The following ZRANB3 variants were observed in gnomAD, a reference collection of about 807,000 sequenced individuals.
The protein encoded by ZRANB3 is DNA annealing helicase and endonuclease ZRANB3.
ZRANB3 carries 125 observed loss-of-function variants against 133.8 expected under a neutral mutation model. The observed-to-expected ratio is 0.93, with a 90% confidence interval of 0.81 to 1.08. The LOEUF (loss-of-function observed/expected upper bound fraction) is 1.08, where lower values mean the gene tolerates loss of function less well. Among genes scored for constraint, ZRANB3 ranks in the 50% least tolerant of loss-of-function variants. The pLI, the probability that ZRANB3 is intolerant of heterozygous loss-of-function variation, is 0.00. For synonymous variants in ZRANB3, 387 were observed against 432.7 expected, an observed-to-expected ratio of 0.89 and a Z score of 1.31; for missense variants, 1,229 against 1,275.5, an observed-to-expected ratio of 0.96 and a Z score of 0.56.
chr2:135,226,361 T>C (rs1401548145), intron 14 of ZRANB3, among the ~76,000 whole-genome samples: 2 of 152,190 alleles, frequency 1.3e-5, no homozygotes, highest in African/African-American at 4.8e-5. Flanking sequence ...AGAGCATATG[T>C]AGGTAGAATA....
At chr2:135,202,602 G>T in intron 20 of ZRANB3, 1 of 376,944 alleles carries the variant, frequency 2.7e-6, no homozygotes, top group Non-Finnish European at 4.8e-6. Flanking sequence ...TTTCTTGGTA[G>T]TGGTGCAAAT....
intron 12 of ZRANB3, among the ~76,000 whole-genome samples, chr2:135,242,811 G>A (rs1335716408): frequency 6.6e-6 from 1 of 151,292 alleles, no homozygotes; most frequent in East Asian, 1.9e-4. Context: ...TTAATTTCTG[G>A]TATTACAGTT....
At chr2:135,283,461 C>T (rs1681191954) in intron 8 of ZRANB3, among the ~76,000 whole-genome samples, 1 of 151,748 alleles carries the variant, frequency 6.6e-6, no homozygotes, top group Admixed American at 6.6e-5. Context: ...TACAAAAAAA[C>T]TAGCTGGGCG....
intron 3 of ZRANB3, among the ~76,000 whole-genome samples, chr2:135,354,018 C>T (rs933468841): frequency 6.6e-6 from 1 of 151,830 alleles, no homozygotes; most frequent in African/African-American, 2.4e-5. Flanking sequence ...AATGTATTAT[C>T]AAAATAATTT....
chr2:135,286,378 C>T (rs1026140520), intron 8 of ZRANB3, among the ~76,000 whole-genome samples: 11 of 152,138 alleles, frequency 7.2e-5, no homozygotes, highest in Non-Finnish European at 1.6e-4. Flanking sequence ...CCCAGGTTCA[C>T]GCAATTCTCC....
At chr2:135,504,101 ATAAT>A (rs771546469) in intron 2 of ZRANB3, 4 of 576,744 alleles carry the variant, frequency 6.9e-6, no homozygotes, top group East Asian at 3.4e-5. Flanking sequence ...GATAACTGAA[ATAAT>A]TAAGATAACT....
intron 20 of ZRANB3, among the ~76,000 whole-genome samples, chr2:135,200,945 G>A (rs774096582): frequency 7.2e-5 from 11 of 151,926 alleles, no homozygotes; most frequent in African/African-American, 1.9e-4. Context: ...TAGTGGAGAC[G>A]GGGTTTTGCC....
chr2:135,284,517 G>T (rs1001246455), intron 8 of ZRANB3, among the ~76,000 whole-genome samples: 5 of 152,218 alleles, frequency 3.3e-5, no homozygotes, highest in African/African-American at 4.8e-5. Context: ...TGTCGCCCAG[G>T]CTGGAGTGCA....
At chr2:135,286,599 G>C (rs1283305833) in intron 8 of ZRANB3, among the ~76,000 whole-genome samples, 1 of 152,106 alleles carries the variant, frequency 6.6e-6, no homozygotes, top group Non-Finnish European at 1.5e-5. Context: ...ATTTTTAAAT[G>C]ATAGCCATTC....
chr2:135,272,414 C>CTTTTT (rs112209442), intron 9 of ZRANB3, among the ~76,000 whole-genome samples: 27 of 107,752 alleles, frequency 2.5e-4, no homozygotes, highest in South Asian at 1.4e-3. Context: ...GAAAATAGAG[C>CTTTTT]TTTTTTTTTT....
At chr2:135,292,059 T>C (rs1219708834) in intron 8 of ZRANB3, among the ~76,000 whole-genome samples, 3 of 152,230 alleles carry the variant, frequency 2.0e-5, no homozygotes, top group Non-Finnish European at 4.4e-5. Flanking sequence ...TAAATGTACG[T>C]GTGCATGTGT....
chr2:135,463,704 AC>A (rs1425614135), intron 2 of ZRANB3, among the ~76,000 whole-genome samples: 1 of 152,184 alleles, frequency 6.6e-6, no homozygotes, highest in Non-Finnish European at 1.5e-5. Context: ...GGCATGAACC[AC>A]CACACCCAGT....
At chr2:135,528,451 A>T (rs16831790) in intron 1 of ZRANB3, among the ~76,000 whole-genome samples, 25 of 152,120 alleles carry the variant, frequency 1.6e-4, no homozygotes, top group Non-Finnish European at 2.6e-4. Flanking sequence ...TCAGACCTCT[A>T]CAAGTCTTAT....
At chr2:135,339,701 A>G (rs1368338850) in intron 6 of ZRANB3, among the ~76,000 whole-genome samples, 2 of 152,226 alleles carry the variant, frequency 1.3e-5, no homozygotes, top group Admixed American at 6.5e-5. Flanking sequence ...TTATAACTGT[A>G]ATAGGTAAAA....
chr2:135,255,758 G>C (rs115953101), intron 12 of ZRANB3, among the ~76,000 whole-genome samples: 5 of 151,974 alleles, frequency 3.3e-5, no homozygotes, highest in African/African-American at 1.2e-4. Flanking sequence ...GAGGCAGGGG[G>C]ATCACTGGAC....
intron 3 of ZRANB3, among the ~76,000 whole-genome samples, chr2:135,371,919 T>C (rs1182208059): frequency 6.6e-6 from 1 of 152,098 alleles, no homozygotes; most frequent in African/African-American, 2.4e-5. Flanking sequence ...CTCACACCTG[T>C]AATTCTAACA....
chr2:135,343,186 CAAAAAA>C (rs1176402987), intron 6 of ZRANB3, among the ~76,000 whole-genome samples: 1 of 46,520 alleles, frequency 2.1e-5, no homozygotes, highest in Non-Finnish European at 4.3e-5. Context: ...ACTCTGTCTC[CAAAAAA>C]AAAAAAAAAA....
At chr2:135,488,512 GTATAGCATATATATTTGATTATACTA>G (rs1692224669) in intron 2 of ZRANB3, among the ~76,000 whole-genome samples, 3 of 146,342 alleles carry the variant, frequency 2.0e-5, no homozygotes, top group Non-Finnish European at 4.5e-5. Flanking sequence ...TGATTATACT[GTATAGCATATATATTTGATTATACTA>G]TATAGCATAC....
At chr2:135,504,630 A>C in intron 1 of ZRANB3, 134 bp from the exon 2 acceptor site, 2 of 822,182 alleles carry the variant, frequency 2.4e-6, no homozygotes, top group Non-Finnish European at 3.6e-6. Flanking sequence ...AAACTAAATC[A>C]TATTCTCACA....
Sources: allele counts gnomAD v4.1 joint callset (sites outside exome capture counted in the v4.1 genomes callset), GRCh38; gene constraint gnomAD v4.1.1; transcripts MANE v1.5; gene names NCBI Gene and HGNC (gene_info 2026-07-23, HGNC 2026-07-21).